Variants in ARHGEF40 observed in about 807,000 individuals in gnomAD.
ARHGEF40 encodes Rho guanine nucleotide exchange factor 40.
In ARHGEF40, 98 loss-of-function variants were observed where a neutral mutation model predicts 165.9. That is an observed-to-expected ratio of 0.59 (90% CI 0.50 to 0.70). ARHGEF40 has a LOEUF of 0.70. Among genes scored for constraint, ARHGEF40 ranks in the 30% least tolerant of loss-of-function variants. ARHGEF40 has a pLI of 0.00. For missense variants in ARHGEF40, 1,815 were observed against 1,968.0 expected (o/e 0.92, Z 1.47); for synonymous variants, 792 against 814.3 (o/e 0.97, Z 0.47).
In ARHGEF40 at chr14:21,082,907, C is replaced by T; in HGVS notation, c.3563C>T (p.Pro1188Leu). ...GAGAATGGTCTGGCTGCGCTCAGTCCCTTAAGCAAGGTAACTTTTTCTCCA... is the reference window on the plus strand; with the variant it reads ...GAGAATGGTCTGGCTGCGCTCAGTCTCTTAAGCAAGGTAACTTTTTCTCCA... ...KLENGLAALS[P>L]LSKGSMEAGP... is the part of the protein sequence containing the mutation. Residue 1188 changes from proline (P) to leucine (L), a missense_variant, in exon 16 of 24, where the codon CCC becomes CTC. Transcript: ENST00000298694. 6.2e-7 allele frequency: 1 copy of T among 1,614,064 alleles called. No individual in the cohort carries two copies. Among genetic ancestry groups the T allele is most frequent in the South Asian group, 1.1e-5 (1 of 91,084 alleles).
At chr14:21,086,956 G>T in intron 19 of ARHGEF40, 45 bp from the exon 20 acceptor site, 3 of 1,458,052 alleles carry the variant, frequency 2.1e-6, no homozygotes, top group Non-Finnish European at 2.8e-6. Context: ...TAGGGCTAGA[G>T]AGAAGGGCAG....
intron 21 of ARHGEF40, 132 bp from the exon 22 acceptor site, chr14:21,087,836 C>A: frequency 7.8e-7 from 1 of 1,276,092 alleles, no homozygotes; most frequent in Non-Finnish European, 1.1e-6. Context: ...GGTTCCCTTG[C>A]AACTGGATCG....
At position 21,074,427 on chromosome 14, in the gene ARHGEF40, G is replaced by A; in HGVS notation, c.697G>A (p.Ala233Thr). Residue 233 changes from alanine (A) to threonine (T), a missense_variant, in exon 3 of 24, where the codon GCC becomes ACC. Physicochemically the swap from Ala to Thr is moderately conservative, Grantham distance 58. Transcript: ENST00000298694. This position sits in a 1 kb window ranked among gnomAD's most constrained non-coding sequence, Gnocchi z 4.8. ...GTRSPGDGHN[A>T]PVEGPEGEYV... Reference sequence around the variant, plus strand: ...CCGGAGTCCTGGGGATGGGCACAATGCCCCTGTGGAAGGACCTGAGGGCGA... The same window carrying A: ...CCGGAGTCCTGGGGATGGGCACAATACCCCTGTGGAAGGACCTGAGGGCGA... 1.2e-6 allele frequency: 2 copies of A among 1,608,922 alleles called. No homozygotes were observed. The highest frequency in any genetic ancestry group is 1.1e-5 in the South Asian group (1 of 90,572).
intron 1 of ARHGEF40, among the ~76,000 whole-genome samples, chr14:21,071,559 C>T (rs1341423195): frequency 1.3e-5 from 2 of 152,214 alleles, no homozygotes; most frequent in African/African-American, 4.8e-5. Flanking sequence ...TCCCCGCCGG[C>T]AGGAGGCTGG....
In ARHGEF40 at chr14:21,085,733, C is replaced by T. The variant is rs142238480; in HGVS notation, c.4005C>T (p.Leu1335=). ...GLTENIGDSG[L]CFELWFRRRR... ...CAGAAAACATCGGGGACAGCGGACTCTGCTTTGAGTTGTGGTTTCGGCGGC... is the reference window on the plus strand; with the variant it reads ...CAGAAAACATCGGGGACAGCGGACTTTGCTTTGAGTTGTGGTTTCGGCGGC... The change falls in exon 19 of 24, where the codon CTC becomes CTT. Residue 1335 remains leucine, a synonymous_variant. Coordinates refer to ENST00000298694, the MANE Select transcript of ARHGEF40 (RefSeq NM_018071.5). 47 of 1,614,098 alleles carry T rather than the reference C, an allele frequency of 2.9e-5. No individual in the cohort carries two copies. In the African/African-American group the frequency reaches 4.1e-4, roughly 14 times the overall value.
In ARHGEF40 at chr14:21,075,202, C is replaced by T; in HGVS notation, c.1450+22C>T. The T allele has an allele frequency of 1.9e-6, 3 of 1,583,538 alleles. No homozygotes were observed. The highest frequency in any genetic ancestry group is 2.6e-6 in the Non-Finnish European group (3 of 1,165,842). ...GCAGGTGAGATGACACGGAGTGAGG[C>T]TCATGGGGCAAGGGCCAAAGCAGGT... On this transcript the variant is annotated intron_variant, in intron 3 of 23. Transcript: ENST00000298694. This position sits in a 1 kb window ranked among gnomAD's most constrained non-coding sequence, Gnocchi z 4.5.
In ARHGEF40 at chr14:21,075,786, G is replaced by T; in HGVS notation, c.1739+21G>T. 1.9e-6 allele frequency: 3 copies of T among 1,607,888 alleles called. No homozygotes were observed. Among genetic ancestry groups the T allele is most frequent in the Non-Finnish European group, 2.5e-6 (3 of 1,176,956 alleles). On this transcript the variant is annotated intron_variant, in intron 5 of 23. Coordinates refer to ENST00000298694, the MANE Select transcript of ARHGEF40 (RefSeq NM_018071.5). The surrounding 1 kb of genome is among the most constrained non-coding windows in gnomAD (Gnocchi z 4.5). ...CTCAGGTAACCGAGGCCCAGTCCTG[G>T]CACCCTGGACACTAACCTCCTGATT... is the stretch of plus-strand genomic sequence containing the variant.
At position 21,090,192 on chromosome 14, in the gene ARHGEF40, G is replaced by GC. The variant is rs2139285027; in HGVS notation, c.*1190dup. The GC allele has an allele frequency of 1.8e-6, 1 of 548,202 alleles. No homozygotes were observed. The highest frequency in any genetic ancestry group is 3.5e-6 in the Non-Finnish European group (1 of 286,216). The allele number at this position is 548,202 out of a possible 1,614,324, so 34.0% of individuals were successfully genotyped here. On this transcript the variant is annotated 3_prime_UTR_variant, in exon 24 of 24. Transcript: ENST00000298694. This position sits in a 1 kb window ranked among gnomAD's most constrained non-coding sequence, Gnocchi z 4.4. ...CCTGATGGGGCTAGAAGGGTACAGT[G>GC]CCCCCCACCCTCACCCCTTGTACAA...
Position 21,073,126 on chromosome 14 carries a change from T to C in ARHGEF40, c.85T>C (p.Leu29=), listed in dbSNP as rs760774140. 3 of 1,614,184 alleles carry C rather than the reference T, an allele frequency of 1.9e-6. No individual in the cohort carries two copies. The highest frequency in any genetic ancestry group is 2.5e-6 in the Non-Finnish European group (3 of 1,180,026). Residue 29 remains leucine, a synonymous_variant, in exon 2 of 24, where the codon TTG becomes CTG. Transcript: ENST00000298694. This position sits in a 1 kb window ranked among gnomAD's most constrained non-coding sequence, Gnocchi z 4.6. Reference sequence around the variant, plus strand: ...CTTTGAGGCAACAGCCCCCACCCTGTTGGGCCAGGTGTTCCAGGTGGTGGA... The same window carrying C: ...CTTTGAGGCAACAGCCCCCACCCTGCTGGGCCAGGTGTTCCAGGTGGTGGA... ...PPFEATAPTL[L]GQVFQVVERT...
intron 18 of ARHGEF40, 141 bp downstream of exon 18, chr14:21,085,064 G>C: frequency 9.3e-7 from 1 of 1,079,772 alleles, no homozygotes; most frequent in East Asian, 2.5e-5. Flanking sequence ...ATCGACTATC[G>C]AGTTAGGGTG....
At position 21,087,393 on chromosome 14, in the gene ARHGEF40, G is replaced by A. The variant is rs745583801; in HGVS notation, c.4317G>A (p.Pro1439=). 28 of 1,602,970 alleles carry A rather than the reference G, an allele frequency of 1.7e-5. No individual in the cohort carries two copies. The highest frequency in any genetic ancestry group is 1.3e-4 in the Admixed American group (8 of 60,000). ...GCCCCTCCCTTCCCGGCCTTTCGCC[G>A]GGAGCCTGCTCCCTGCCTGCCCGCG... ...HAGPSLPGLS[P]GACSLPARVE... The change falls in exon 21 of 24, where the codon CCG becomes CCA. Residue 1439 remains proline (P), a synonymous_variant. Transcript: ENST00000298694.
Position 21,072,044 on chromosome 14 carries a change from T to C in ARHGEF40, c.4-1001T>C, listed in dbSNP as rs1313189696. ...GGTAAAGGCTGCATTGAGTATCCCC[T>C]TCCCCATTTACAGCAAAAAAGAAAA... On this transcript the variant is annotated intron_variant, in intron 1 of 23. Transcript: ENST00000298694. This position sits in a 1 kb window ranked among gnomAD's most constrained non-coding sequence, Gnocchi z 4.1. Among the ~76,000 whole-genome samples the C allele has an allele frequency of 6.6e-6, 1 of 152,176 alleles. No homozygotes were observed.
chr14:21,069,306 C>T (rs922667076), upstream of ARHGEF40, among the ~76,000 whole-genome samples: 2 of 152,190 alleles, frequency 1.3e-5, no homozygotes, highest in Admixed American at 6.5e-5. Context: ...CTAGCCCACC[C>T]TGCTTTGTCT....
Position 21,081,700 on chromosome 14 carries a change from C to A in ARHGEF40, c.2832C>A (p.Arg944=), listed in dbSNP as rs1343027651. 1.3e-6 allele frequency: 2 copies of A among 1,580,462 alleles called. No individual in the cohort carries two copies. The highest frequency in any genetic ancestry group is 2.7e-5 in the African/African-American group (2 of 74,162). ...ALREWGRCQA[R]CQELERRIQQ... is the part of the protein sequence containing the mutation. The stretch of plus-strand genomic sequence containing the variant: ...GAGAATGGGGCCGCTGCCAGGCCCG[C>A]TGCCAAGAGCTAGAGAGGAGGATCC... Residue 944 remains arginine (R), a synonymous_variant, in exon 14 of 24, where the codon CGC becomes CGA. Transcript: ENST00000298694.
At chr14:21,085,581 G>A (rs1371193564) in intron 18 of ARHGEF40, 108 bp from the exon 19 acceptor site, 17 of 1,332,552 alleles carry the variant, frequency 1.3e-5, no homozygotes, top group Admixed American at 4.4e-5. Flanking sequence ...TTGAGCAAAC[G>A]TTTACTGAAC....
chr14:21,068,231 C>T (rs1375496417), upstream of ARHGEF40, among the ~76,000 whole-genome samples: 1 of 12,826 alleles, frequency 7.8e-5, no homozygotes, highest in Non-Finnish European at 4.5e-4. Context: ...GATCTCCTGA[C>T]CTCGTGATCC....
At position 21,075,115 on chromosome 14, in the gene ARHGEF40, G is replaced by A. The variant is rs1887297764; in HGVS notation, c.1385G>A (p.Cys462Tyr). ...GEKEPQLSEA[C>Y]GPTEEGAGER... ...AAAGAGCCTCAGCTCTCTGAAGCCT[G>A]TGGGCCTACAGAAGAGGGGGCCGGA... The change falls in exon 3 of 24, where the codon TGT (cysteine) becomes TAT (tyrosine). Residue 462 changes from cysteine to tyrosine, a missense_variant. Cys to Tyr is a radical substitution (Grantham distance 194). Transcript: ENST00000298694. The surrounding 1 kb of genome is among the most constrained non-coding windows in gnomAD (Gnocchi z 4.5). The A allele has an allele frequency of 1.2e-6, 2 of 1,613,786 alleles. No homozygotes were observed. The highest frequency in any genetic ancestry group is 8.5e-7 in the Non-Finnish European group (1 of 1,179,986).
Position 21,081,737 on chromosome 14 carries a change from G to T in ARHGEF40, c.2869G>T (p.Gly957Ter). ...ELERRIQQHV[G>*]EEASPRGYRR... ...AGAGAGGAGGATCCAGCAACACGTG[G>T]GAGAGGAGGCGAGCCCACGGGGCTA... is the stretch of plus-strand genomic sequence containing the variant. The change falls in exon 14 of 24, where the codon GGA becomes TGA. Residue 957 changes from glycine to a stop codon, truncating the protein, a stop_gained. Coordinates refer to ENST00000298694, the MANE Select transcript of ARHGEF40 (RefSeq NM_018071.5). LOFTEE classifies it high-confidence loss of function. 6.3e-7 allele frequency: 1 copy of T among 1,576,884 alleles called. No individual in the cohort carries two copies. The highest frequency in any genetic ancestry group is 8.6e-7 in the Non-Finnish European group (1 of 1,161,400).
rs532397191 is a variant in ARHGEF40 at position 21,078,996 on chromosome 14, C to T, written c.2359C>T (p.Arg787Trp). The change falls in exon 11 of 24, where the codon CGG (arginine) becomes TGG (tryptophan). Residue 787 changes from arginine (R) to tryptophan (W), a missense_variant. By Grantham distance (101) the Arg-to-Trp change is moderately radical (BLOSUM62 -3). Coordinates refer to ENST00000298694, the MANE Select transcript of ARHGEF40 (RefSeq NM_018071.5). ...GCAGCAAGAGCAGCGGCAGTGCCTG[C>T]GGCGACTCCAGCAGGTGAGCCAGGA... is the stretch of plus-strand genomic sequence containing the variant. Reference protein sequence around the residue: ...VQQQEQRQCLRRLQQVLQWLS... With the variant: ...VQQQEQRQCLWRLQQVLQWLS... 23 of 1,613,188 alleles carry T rather than the reference C, an allele frequency of 1.4e-5. No individual in the cohort carries two copies. The highest frequency in any genetic ancestry group is 1.7e-4 in the Middle Eastern group (1 of 6,016).
Sources: allele counts gnomAD v4.1 joint callset (sites outside exome capture counted in the v4.1 genomes callset), GRCh38; gene constraint gnomAD v4.1.1; non-coding constraint Gnocchi (gnomAD v3.1); transcripts MANE v1.5; gene names NCBI Gene and HGNC (gene_info 2026-07-23, HGNC 2026-07-21).